The following GTF2F2 variants were observed in gnomAD, a reference collection of about 807,000 sequenced individuals.
GTF2F2 encodes ATP-dependent helicase GTF2F2.
In GTF2F2, 23 loss-of-function variants were observed where a neutral mutation model predicts 42.2. The observed-to-expected ratio is 0.55, with a 90% confidence interval of 0.39 to 0.77. GTF2F2 has a LOEUF of 0.77. GTF2F2 is among the 30% of genes least tolerant of loss of function. The probability of loss-of-function intolerance (pLI) is 0.00; values close to 1 mark genes in which losing one functional copy is unlikely to be tolerated. For synonymous variants in GTF2F2, 105 were observed against 100.8 expected (o/e 1.04, Z -0.25); for missense variants, 261 against 287.2 (o/e 0.91, Z 0.66).
At chr13:45,128,465 C>T (rs913315364) in intron 1 of GTF2F2, among the ~76,000 whole-genome samples, 24 of 150,790 alleles carry the variant, frequency 1.6e-4, no homozygotes, top group Admixed American at 5.3e-4. Flanking sequence ...CCCAACTACT[C>T]GGGAGGCTGA....
intron 4 of GTF2F2, among the ~76,000 whole-genome samples, chr13:45,182,683 C>T (rs1872223283): frequency 6.6e-6 from 1 of 152,102 alleles, no homozygotes; most frequent in African/African-American, 2.4e-5. Context: ...TAGATGGTCC[C>T]ATGGAAGAAT....
chr13:45,123,788 T>C (rs1459144394), intron 1 of GTF2F2, among the ~76,000 whole-genome samples: 1 of 149,848 alleles, frequency 6.7e-6, no homozygotes, highest in Admixed American at 6.6e-5. Flanking sequence ...TCTGGAATTT[T>C]GAATTTTTTT....
rs188545746 is a variant in GTF2F2 at position 45,203,348 on chromosome 13, G to C, written c.305-4076G>C. On this transcript the variant is annotated intron_variant, in intron 4 of 7. Transcript: ENST00000340473. ...GATCTGCCCTCCTCGGCTTCCCAAA[G>C]TTCTGGGATTACAGGCGTGAGCCAC... Among the ~76,000 whole-genome samples, 281 of 151,728 alleles carry C rather than the reference G, an allele frequency of 1.9e-3. 3 individuals are homozygous for C. Among genetic ancestry groups the C allele is most frequent in the African/African-American group, 6.5e-3 (268 of 41,318 alleles).
At position 45,158,086 on chromosome 13, in the gene GTF2F2, C is replaced by T. The variant is rs145611625; in HGVS notation, c.304+6255C>T. Among the ~76,000 whole-genome samples, 287 of 152,272 alleles carry T rather than the reference C, an allele frequency of 1.9e-3. 2 individuals carry two copies. Among genetic ancestry groups the T allele is most frequent in the Middle Eastern group, 6.8e-3 (2 of 294 alleles). ...TAGTAGGAATCACATATACACATTT[C>T]TGGATACCACTTGATATGGTTTGTC... On this transcript the variant is annotated intron_variant, in intron 4 of 7. Coordinates refer to ENST00000340473, the MANE Select transcript of GTF2F2 (RefSeq NM_004128.3).
chr13:45,223,088 G>T (rs1299714479), intron 5 of GTF2F2, among the ~76,000 whole-genome samples: 1 of 151,806 alleles, frequency 6.6e-6, no homozygotes, highest in Non-Finnish European at 1.5e-5. Context: ...GCTGAGGGTG[G>T]TGTGTGCCTA....
intron 6 of GTF2F2, among the ~76,000 whole-genome samples, chr13:45,255,004 T>C (rs1344674093): frequency 6.6e-6 from 1 of 151,638 alleles, no homozygotes; most frequent in African/African-American, 2.4e-5. Flanking sequence ...CCATCTCTAC[T>C]AAAAATACAA....
intron 5 of GTF2F2, among the ~76,000 whole-genome samples, chr13:45,228,668 T>A (rs969733508): frequency 3.0e-5 from 4 of 134,256 alleles, no homozygotes; most frequent in African/African-American, 1.4e-4. Flanking sequence ...CCAGAGTTAA[T>A]CTTTTTTTTT....
intron 2 of GTF2F2, among the ~76,000 whole-genome samples, chr13:45,141,986 C>A (rs1869950103): frequency 6.6e-6 from 1 of 152,172 alleles, no homozygotes; most frequent in Non-Finnish European, 1.5e-5. Context: ...GTATGTAGTT[C>A]TGAGGCTTTG....
In GTF2F2 at chr13:45,162,456, T is replaced by G. The variant is rs539626073; in HGVS notation, c.304+10625T>G. ...GAGGAGGAACAAACAGGAACAAAAA[T>G]ATATGAGTTTAGTGTTTATTTCCTG... is the stretch of plus-strand genomic sequence containing the variant. On this transcript the variant is annotated intron_variant, in intron 4 of 7. Transcript: ENST00000340473. Among the ~76,000 whole-genome samples, 35 of 152,280 alleles carry G rather than the reference T, an allele frequency of 2.3e-4. No homozygotes were observed. In the East Asian group the frequency reaches 6.6e-3, roughly 29 times the overall value.
At chr13:45,221,972 TCA>T (rs967087326) in intron 5 of GTF2F2, among the ~76,000 whole-genome samples, 3 of 152,092 alleles carry the variant, frequency 2.0e-5, no homozygotes, top group African/African-American at 7.2e-5. Flanking sequence ...TGCAGTTCTC[TCA>T]GTTTATATGG....
intron 4 of GTF2F2, among the ~76,000 whole-genome samples, chr13:45,169,189 A>G (rs1871471577): frequency 6.6e-6 from 1 of 152,052 alleles, no homozygotes; most frequent in East Asian, 1.9e-4. Flanking sequence ...TCCTAAACCC[A>G]GGTACCTCAG....
At chr13:45,269,896 A>G (rs553623374) in intron 7 of GTF2F2, among the ~76,000 whole-genome samples, 2 of 152,236 alleles carry the variant, frequency 1.3e-5, no homozygotes, top group Non-Finnish European at 2.9e-5. Flanking sequence ...CAATGGCACA[A>G]TCTCTGCTCA....
intron 5 of GTF2F2, among the ~76,000 whole-genome samples, chr13:45,219,182 A>G (rs1007958699): frequency 1.3e-5 from 2 of 151,394 alleles, no homozygotes; most frequent in Non-Finnish European, 2.9e-5. Context: ...AAAAAATCTC[A>G]TTTCCTTTCT....
intron 4 of GTF2F2, among the ~76,000 whole-genome samples, chr13:45,200,380 T>A (rs1873117013): frequency 6.6e-6 from 1 of 152,052 alleles, no homozygotes; most frequent in Admixed American, 6.6e-5. Context: ...TGGAGTGTAT[T>A]GCAACCTCAA....
intron 7 of GTF2F2, among the ~76,000 whole-genome samples, chr13:45,272,995 C>T (rs967023451): frequency 4.3e-5 from 6 of 138,362 alleles, no homozygotes; most frequent in African/African-American, 5.6e-5. Flanking sequence ...GGCGCAATCT[C>T]GGCTCACTGC....
intron 5 of GTF2F2, among the ~76,000 whole-genome samples, chr13:45,233,158 T>C (rs948218321): frequency 2.6e-5 from 4 of 152,194 alleles, no homozygotes. Flanking sequence ...ATGCCGAGGC[T>C]TGAGCCCAGA....
chr13:45,215,360 T>C (rs1873844668), intron 5 of GTF2F2, among the ~76,000 whole-genome samples: 1 of 152,232 alleles, frequency 6.6e-6, no homozygotes, highest in Non-Finnish European at 1.5e-5. Flanking sequence ...CACTAATTTA[T>C]AATGTAAAAC....
chr13:45,197,028 G>T (rs1872929125), intron 4 of GTF2F2, among the ~76,000 whole-genome samples: 3 of 151,710 alleles, frequency 2.0e-5, no homozygotes, highest in African/African-American at 7.3e-5. Flanking sequence ...CTCCTTGATT[G>T]TTTTTTCTCA....
At chr13:45,188,105 C>T (rs1050009743) in intron 4 of GTF2F2, among the ~76,000 whole-genome samples, 3 of 152,126 alleles carry the variant, frequency 2.0e-5, no homozygotes, top group African/African-American at 7.2e-5. Context: ...AGGGTTTCAC[C>T]ATGTTGGTCG....
Sources: allele counts gnomAD v4.1 joint callset (sites outside exome capture counted in the v4.1 genomes callset), GRCh38; gene constraint gnomAD v4.1.1; transcripts MANE v1.5; gene names NCBI Gene and HGNC (gene_info 2026-07-23, HGNC 2026-07-21).